The following PRDM16 variants were observed in gnomAD, a reference collection of about 807,000 sequenced individuals.
The protein encoded by PRDM16 is PR/SET domain 16.
In PRDM16, 23 loss-of-function variants were observed where a neutral mutation model predicts 110.6. That is an observed-to-expected ratio of 0.21 (90% confidence interval 0.15 to 0.29). The LOEUF is 0.29. Among genes scored for constraint, PRDM16 ranks in the 10% least tolerant of loss-of-function variants. PRDM16 has a pLI of 1.00. For missense variants in PRDM16, 1,615 were observed against 1,794.3 expected (o/e 0.90, Z 1.81); for synonymous variants, 799 against 781.8 (o/e 1.02, Z -0.37).
intron 2 of PRDM16, 69 bp downstream of exon 2, chr1:3,186,543 G>A (rs574718706): frequency 1.3e-5 from 14 of 1,080,954 alleles, no homozygotes; most frequent in African/African-American, 3.2e-5. Flanking sequence ...TTATAAAGCC[G>A]GGCTGAGCAG....
At chr1:3,417,205 A>C (rs1219924321) in intron 10 of PRDM16, among the ~76,000 whole-genome samples, 3 of 152,220 alleles carry the variant, frequency 2.0e-5, no homozygotes, top group African/African-American at 7.2e-5. Context: ...GACATGTCAC[A>C]TTATTATTTT....
Position 3,423,002 on chromosome 1 carries a change from C to T in PRDM16, c.2940-2579C>T, listed in dbSNP as rs184947797. Among the ~76,000 whole-genome samples, 61 of 152,308 alleles carry T rather than the reference C, an allele frequency of 4.0e-4. 2 individuals are homozygous for T. In the South Asian group the frequency reaches 0.011, roughly 29 times the overall value. On this transcript the variant is annotated intron_variant, in intron 12 of 16. Coordinates refer to ENST00000270722, the MANE Select transcript of PRDM16 (RefSeq NM_022114.4). ...GTCACTTCGGGGAGCTCAGGGACTT[C>T]GATCACCAATGCTTCTTTTCCTGTC...
Position 3,139,487 on chromosome 1 carries a change from C to T in PRDM16, c.38-46638C>T, listed in dbSNP as rs112809013. Among the ~76,000 whole-genome samples, 137 of 152,322 alleles carry T rather than the reference C, an allele frequency of 9.0e-4. 1 individual carries two copies. The highest frequency in any genetic ancestry group is 3.1e-3 in the South Asian group (15 of 4,826). ...CAGACGACAGAGCTGCTGGCAGGGG[C>T]GGGGTCCCTCGGGGGCTGCAGACCC... On this transcript the variant is annotated intron_variant, in intron 1 of 16. Coordinates refer to ENST00000270722, the MANE Select transcript of PRDM16 (RefSeq NM_022114.4).
chr1:3,396,435 C>A (rs1403101545), intron 4 of PRDM16, 56 bp from the exon 5 acceptor site: 9 of 968,842 alleles, frequency 9.3e-6, no homozygotes, highest in Non-Finnish European at 1.3e-5. Flanking sequence ...CACTGAGAGG[C>A]TCTCCAGACA....
chr1:3,142,196 G>C (rs951482532), intron 1 of PRDM16, among the ~76,000 whole-genome samples: 1 of 152,266 alleles, frequency 6.6e-6, no homozygotes, highest in African/African-American at 2.4e-5. Context: ...AGGGCTGGGG[G>C]CAGCTGTCAG....
intron 4 of PRDM16, among the ~76,000 whole-genome samples, chr1:3,385,775 G>A (rs1435038962): frequency 6.6e-6 from 1 of 152,240 alleles, no homozygotes; most frequent in Non-Finnish European, 1.5e-5. Flanking sequence ...CCTCTGACCA[G>A]CCTGCTGAAG....
chr1:3,198,195 TG>T (rs1020266573), intron 2 of PRDM16, among the ~76,000 whole-genome samples: 1 of 152,112 alleles, frequency 6.6e-6, no homozygotes, highest in African/African-American at 2.4e-5. Flanking sequence ...CGAGCTGCAG[TG>T]TGGCTGGGTT....
At chr1:3,401,883 A>G (rs1643478912) in intron 5 of PRDM16, among the ~76,000 whole-genome samples, 1 of 82,658 alleles carries the variant, frequency 1.2e-5, no homozygotes, top group African/African-American at 3.0e-5. Flanking sequence ...CAGTGCACAC[A>G]AATATTCACG....
At chr1:3,331,199 C>T (rs1430205054) in intron 3 of PRDM16, among the ~76,000 whole-genome samples, 1 of 152,178 alleles carries the variant, frequency 6.6e-6, no homozygotes, top group African/African-American at 2.4e-5. Flanking sequence ...CTTTGATCAC[C>T]TGTGGATTGC....
chr1:3,423,113 C>G (rs1638486633), intron 12 of PRDM16, among the ~76,000 whole-genome samples: 1 of 152,232 alleles, frequency 6.6e-6, no homozygotes, highest in African/African-American at 2.4e-5. Flanking sequence ...TAGGGCAGCA[C>G]CAGGGAAGTT....
At chr1:3,224,359 G>A (rs1405072915) in intron 2 of PRDM16, among the ~76,000 whole-genome samples, 2 of 152,174 alleles carry the variant, frequency 1.3e-5, no homozygotes, top group African/African-American at 2.4e-5. Flanking sequence ...TGGGTCAGGC[G>A]ACAGTGTTGC....
chr1:3,088,802 T>A (rs901082549), intron 1 of PRDM16, among the ~76,000 whole-genome samples: 9 of 148,520 alleles, frequency 6.1e-5, no homozygotes, highest in Non-Finnish European at 1.2e-4. Flanking sequence ...TTATTTATTT[T>A]TTGGAGATGG....
intron 1 of PRDM16, among the ~76,000 whole-genome samples, chr1:3,147,610 T>C (rs1298116241): frequency 1.3e-5 from 2 of 152,152 alleles, no homozygotes; most frequent in Non-Finnish European, 2.9e-5. Flanking sequence ...AATCTTGACC[T>C]TGGACTCTTT....
chr1:3,237,131 C>T (rs1639556510), intron 2 of PRDM16, among the ~76,000 whole-genome samples: 1 of 152,222 alleles, frequency 6.6e-6, no homozygotes, highest in Middle Eastern at 3.4e-3. Context: ...ACCCTTCCTG[C>T]AAACTGTCCC....
chr1:3,312,378 G>A (rs747382875), intron 3 of PRDM16, among the ~76,000 whole-genome samples: 2 of 152,204 alleles, frequency 1.3e-5, no homozygotes, highest in East Asian at 1.9e-4. Context: ...GGACAGGCAC[G>A]GGTGTGGTGG....
At chr1:3,128,615 C>T (rs778851682) in intron 1 of PRDM16, among the ~76,000 whole-genome samples, 3 of 152,178 alleles carry the variant, frequency 2.0e-5, no homozygotes, top group Non-Finnish European at 2.9e-5. Flanking sequence ...CCACGGTGAC[C>T]GGCCGGTGAG....
At chr1:3,387,017 T>A (rs1055653793) in intron 4 of PRDM16, 3 of 152,180 alleles carry the variant, frequency 2.0e-5, no homozygotes, top group Non-Finnish European at 4.4e-5. Context: ...CTTCATTGTA[T>A]TATTAATATT....
At chr1:3,211,449 TG>T in intron 2 of PRDM16, among the ~76,000 whole-genome samples, 1 of 152,360 alleles carries the variant, frequency 6.6e-6, no homozygotes, top group East Asian at 1.9e-4. Context: ...TAGCTGGAGA[TG>T]CGGCCGTGGG....
chr1:3,363,988 T>C (rs986083090), intron 3 of PRDM16, among the ~76,000 whole-genome samples: 3 of 151,718 alleles, frequency 2.0e-5, no homozygotes, highest in Non-Finnish European at 2.9e-5. Context: ...GCCAGCCCGC[T>C]ACGCACACCT....
Sources: allele counts gnomAD v4.1 joint callset (sites outside exome capture counted in the v4.1 genomes callset), GRCh38; gene constraint gnomAD v4.1.1; transcripts MANE v1.5; gene names NCBI Gene and HGNC (gene_info 2026-07-23, HGNC 2026-07-21).